Variants in ELF2 observed in about 807,000 individuals in gnomAD.
ELF2 encodes E74 like ETS transcription factor 2.
In ELF2, 11 loss-of-function variants were observed where a neutral mutation model predicts 54.8. The ratio of observed to expected loss-of-function variants is 0.20; its 90% CI spans 0.13 to 0.33. The LOEUF (loss-of-function observed/expected upper bound fraction) is 0.33, where lower values mean the gene tolerates loss of function less well. ELF2 is among the 10% of genes least tolerant of loss of function. The probability of loss-of-function intolerance (pLI) is 1.00; values close to 1 mark genes in which losing one functional copy is unlikely to be tolerated. For synonymous variants in ELF2, 203 were observed against 245.1 expected (o/e 0.83, Z 1.61); for missense variants, 513 against 703.0 (o/e 0.73, Z 3.06).
At chr4:139,142,866 C>CA (rs35505802) in intron 1 of ELF2, among the ~76,000 whole-genome samples, 132 of 121,702 alleles carry the variant, frequency 1.1e-3, no homozygotes, top group East Asian at 2.5e-3. Context: ...GACCTTGTCT[C>CA]AAAAAAAAAA....
At chr4:139,118,143 T>G (rs1446763368) in intron 4 of ELF2, among the ~76,000 whole-genome samples, 1 of 152,102 alleles carries the variant, frequency 6.6e-6, no homozygotes, top group Non-Finnish European at 1.5e-5. Flanking sequence ...AACAGTATAT[T>G]TAACAAAAGA....
chr4:139,059,597 C>T lies in ELF2; in HGVS notation c.1168G>A (p.Val390Met), dbSNP rs1354732338. Residue 390 changes from valine (V) to methionine (M), a missense_variant, in exon 10 of 10, where the codon GTG becomes ATG. By Grantham distance (21) the Val-to-Met change is conservative. Coordinates refer to ENST00000686138, the MANE Select transcript of ELF2 (RefSeq NM_001331036.3). The stretch of plus-strand genomic sequence containing the variant: ...ATTACAACAGGTACCTGCATTGCCA[C>T]ACGAACTGTCCTAGTACATTAGAAA... Reference protein sequence around the residue: ...SATAAPRTVRVAMQVPVVMTS... With the variant: ...SATAAPRTVRMAMQVPVVMTS... The T allele has an allele frequency of 1.2e-6, 2 of 1,610,700 alleles. No individual in the cohort carries two copies.
In ELF2 at chr4:139,115,309, G is replaced by A. The variant is rs1324011856; in HGVS notation, c.238+9855C>T. ...GAAAGTAGACGCGTGGTCCTGGGCC[G>A]CCACTGCCCGGCCCGGGGGCCGGGG... On this transcript the variant is annotated intron_variant, in intron 4 of 9. Coordinates refer to ENST00000686138, the MANE Select transcript of ELF2 (RefSeq NM_001331036.3). 7.1e-6 allele frequency: 11 copies of A among 1,551,296 alleles called. No individual in the cohort carries two copies. The South Asian group carries it at 8.2e-5, about 12-fold the overall frequency.
intron 4 of ELF2, among the ~76,000 whole-genome samples, chr4:139,087,862 T>C (rs1417849614): frequency 6.6e-6 from 1 of 152,190 alleles, no homozygotes; most frequent in Non-Finnish European, 1.5e-5. Context: ...TTATGACAAC[T>C]CATTTCAAGG....
At chr4:139,071,088 G>A (rs1234197522) in intron 6 of ELF2, among the ~76,000 whole-genome samples, 1 of 152,076 alleles carries the variant, frequency 6.6e-6, no homozygotes, top group African/African-American at 2.4e-5. Flanking sequence ...GTGGTAGTGG[G>A]ATGGGGGGAG....
At chr4:139,104,398 T>C (rs1307526261) in intron 4 of ELF2, among the ~76,000 whole-genome samples, 1 of 150,590 alleles carries the variant, frequency 6.6e-6, no homozygotes, top group Non-Finnish European at 1.5e-5. Flanking sequence ...TAGTCCCAGC[T>C]ACTCAGGAGG....
In ELF2 at chr4:139,152,807, T is replaced by TG. The variant is rs1274483889; in HGVS notation, c.-251-13311_-251-13310insC. On this transcript the variant is annotated intron_variant, in intron 1 of 9. Coordinates refer to ENST00000686138, the MANE Select transcript of ELF2 (RefSeq NM_001331036.3). Reference sequence around the variant, plus strand: ...TAGTTGTCCTGTTTCCCTTTTGAAATTATCAAGTCCAACAGGAATTTTATA... The same window carrying TG: ...TAGTTGTCCTGTTTCCCTTTTGAAATGTATCAAGTCCAACAGGAATTTTATA... Among the ~76,000 whole-genome samples, 6 of 151,278 alleles carry TG rather than the reference T, an allele frequency of 4.0e-5. No individual in the cohort carries two copies. The East Asian group carries it at 9.7e-4, about 24-fold the overall frequency.
At chr4:139,121,070 G>A (rs1232272161) in intron 4 of ELF2, among the ~76,000 whole-genome samples, 1 of 133,876 alleles carries the variant, frequency 7.5e-6, no homozygotes, top group African/African-American at 2.9e-5. Context: ...GCTATTGACT[G>A]CTTTGTATTT....
intron 1 of ELF2, among the ~76,000 whole-genome samples, chr4:139,176,057 G>A (rs369737512): frequency 7.2e-5 from 11 of 152,234 alleles, no homozygotes; most frequent in East Asian, 3.9e-4. Flanking sequence ...CTGGGGTAGA[G>A]TCAGCATCCA....
chr4:139,102,530 A>ACTC (rs571940363), intron 4 of ELF2, among the ~76,000 whole-genome samples: 300 of 137,092 alleles, frequency 2.2e-3, no homozygotes, highest in African/African-American at 8.1e-3. Flanking sequence ...ACAGAGGGAG[A>ACTC]CTCCGTCTCA....
At chr4:139,071,287 A>G (rs551914699) in intron 6 of ELF2, among the ~76,000 whole-genome samples, 37 of 151,958 alleles carry the variant, frequency 2.4e-4, no homozygotes, top group Non-Finnish European at 5.0e-4. Context: ...TATATTTAGT[A>G]TGACTATATA....
At chr4:139,123,276 G>T (rs540054032) in intron 4 of ELF2, among the ~76,000 whole-genome samples, 4 of 151,690 alleles carry the variant, frequency 2.6e-5, no homozygotes, top group African/African-American at 7.3e-5. Flanking sequence ...TAAGTAATAT[G>T]CTTACATTTT....
intron 4 of ELF2, among the ~76,000 whole-genome samples, chr4:139,104,952 C>T (rs942220215): frequency 4.6e-5 from 7 of 152,142 alleles, no homozygotes; most frequent in African/African-American, 1.2e-4. Flanking sequence ...CCTGAATGCT[C>T]ATTTTTCGCA....
At chr4:139,151,294 G>T (rs1264408502) in intron 1 of ELF2, among the ~76,000 whole-genome samples, 1 of 151,924 alleles carries the variant, frequency 6.6e-6, no homozygotes, top group African/African-American at 2.4e-5. Context: ...TATTAGATGA[G>T]ACACCGAAAG....
rs568575113 is a variant in ELF2, at chr4:139,075,354, T to TG, written c.239-1788dup. Among the ~76,000 whole-genome samples the TG allele has an allele frequency of 1.6e-3, 241 of 152,336 alleles. 2 individuals carry two copies. The highest frequency in any genetic ancestry group is 5.7e-3 in the African/African-American group (237 of 41,580). On this transcript the variant is annotated intron_variant, in intron 4 of 9. Coordinates refer to ENST00000686138, the MANE Select transcript of ELF2 (RefSeq NM_001331036.3). ...GTAAGATTATAAACTTCTTGAGGTC[T>TG]GGGGGGCTAGCTTAACCCATCTTTA...
At chr4:139,130,511 T>C (rs971591281) in intron 3 of ELF2, among the ~76,000 whole-genome samples, 8 of 152,252 alleles carry the variant, frequency 5.3e-5, no homozygotes, top group African/African-American at 1.9e-4. Flanking sequence ...TTTCATCTAC[T>C]GAAGGCTTTT....
chr4:139,090,507 A>AT (rs1356057869), intron 4 of ELF2, among the ~76,000 whole-genome samples: 1 of 152,122 alleles, frequency 6.6e-6, no homozygotes, highest in African/African-American at 2.4e-5. Context: ...CTATAAAGGC[A>AT]TTTTTTGTCT....
intron 1 of ELF2, among the ~76,000 whole-genome samples, chr4:139,151,032 A>AAAAAGAAAGAAAGAAAGAAAGAAAG (rs1301387000): frequency 8.8e-5 from 9 of 102,526 alleles, no homozygotes; most frequent in South Asian, 2.9e-4. Flanking sequence ...TCAAAAAAAA[A>AAAAAGAAAGAAAGAAAGAAAGAAAG]AAAGAAAGAA....
chr4:139,110,850 C>T (rs1479935063), intron 4 of ELF2, among the ~76,000 whole-genome samples: 1 of 152,116 alleles, frequency 6.6e-6, no homozygotes, highest in Non-Finnish European at 1.5e-5. Flanking sequence ...CCGGAATCTT[C>T]CATACTTCTA....
Sources: gnomAD v4.1 joint callset for allele counts (sites outside exome capture counted in the v4.1 genomes callset) on GRCh38, gnomAD v4.1.1 for gene constraint, MANE v1.5 for transcripts, NCBI Gene and HGNC (gene_info 2026-07-23, HGNC 2026-07-21) for gene names.